HDLBP: variants seen among roughly 807,000 people sequenced by gnomAD.
HDLBP encodes high density lipoprotein binding protein.
Under a neutral mutation model 137.3 loss-of-function variants are expected in HDLBP, and 30 were observed. That is an observed-to-expected ratio of 0.22 (90% confidence interval 0.16 to 0.30). The LOEUF (loss-of-function observed/expected upper bound fraction) is 0.30. Ranked by LOEUF, HDLBP falls within the 10% of genes least tolerant of loss-of-function variation. The pLI is 1.00. For missense variants in HDLBP, 1,119 were observed against 1,667.3 expected, an observed-to-expected ratio of 0.67 and a Z score of 5.73; for synonymous variants, 606 against 596.0, an observed-to-expected ratio of 1.02 and a Z score of -0.24.
At chr2:241,267,649 C>T (rs1455182538) in intron 2 of HDLBP, 2 of 1,535,722 alleles carry the variant, frequency 1.3e-6, no homozygotes, top group South Asian at 1.2e-5. Context: ...CAAGGTGCAT[C>T]CAGGCCCCAA....
intron 23 of HDLBP, among the ~76,000 whole-genome samples, 196 bp downstream of exon 23, chr2:241,234,925 G>A (rs890029770): frequency 1.3e-5 from 2 of 152,244 alleles, no homozygotes; most frequent in Non-Finnish European, 2.9e-5. Flanking sequence ...TTATGAAAAA[G>A]AGAAAGGTGC....
Position 241,238,637 on chromosome 2 carries a change from T to TG in HDLBP, c.2749+11dup, listed in dbSNP as rs2070848224. 5.2e-6 allele frequency: 8 copies of TG among 1,551,728 alleles called. No homozygotes were observed. Among genetic ancestry groups the TG allele is most frequent in the African/African-American group, 2.7e-5 (2 of 73,114 alleles). On this transcript the variant is annotated intron_variant, in intron 20 of 27. Transcript: ENST00000310931. This position sits in a 1 kb window ranked among gnomAD's most constrained non-coding sequence, Gnocchi z 4.9. ...CTATTAACAAGCAGAGCAGGGCTAATGGGGGACCCACCTGCGTTCTCCTCT... is the reference window on the plus strand; with the variant it reads ...CTATTAACAAGCAGAGCAGGGCTAATGGGGGGACCCACCTGCGTTCTCCTCT...
At chr2:241,275,207 A>G (rs915479927) in intron 1 of HDLBP, among the ~76,000 whole-genome samples, 1 of 152,104 alleles carries the variant, frequency 6.6e-6, no homozygotes, top group Non-Finnish European at 1.5e-5. Flanking sequence ...GAAAGAATAA[A>G]CCTCATACCA....
At chr2:241,312,571 C>T (rs551172598) in intron 1 of HDLBP, among the ~76,000 whole-genome samples, 3 of 152,308 alleles carry the variant, frequency 2.0e-5, no homozygotes, top group Non-Finnish European at 2.9e-5. Flanking sequence ...AACCTTTACA[C>T]GCATTTTGGA....
At position 241,230,030 on chromosome 2, in the gene HDLBP, C is replaced by A. The variant is rs1420731486; in HGVS notation, c.3592-69G>T. The A allele has an allele frequency of 3.8e-6, 6 of 1,579,250 alleles. No homozygotes were observed. The highest frequency in any genetic ancestry group is 2.2e-5 in the East Asian group (1 of 44,512). ...CCCCAGCATCCCGCCCGCCTGCTCACCCCTGCACCTCGCCTGCCTCTGGAA... is the reference window on the plus strand; with the variant it reads ...CCCCAGCATCCCGCCCGCCTGCTCAACCCTGCACCTCGCCTGCCTCTGGAA... On this transcript the variant is annotated intron_variant, in intron 26 of 27. Transcript: ENST00000310931. This position sits in a 1 kb window ranked among gnomAD's most constrained non-coding sequence, Gnocchi z 5.0.
chr2:241,283,136 G>A (rs1444269348), intron 1 of HDLBP, among the ~76,000 whole-genome samples: 2 of 152,160 alleles, frequency 1.3e-5, no homozygotes, highest in Non-Finnish European at 2.9e-5. Flanking sequence ...GAGTGGTCTG[G>A]CTAGAAGATT....
At position 241,236,605 on chromosome 2, in the gene HDLBP, G is replaced by A. The variant is rs763581131; in HGVS notation, c.2904+10C>T. ...TGGCGGGGGGTGGAGGGGGGCACATGGACACATACCTCCAGAGCTTCCTTG... is the reference window on the plus strand; with the variant it reads ...TGGCGGGGGGTGGAGGGGGGCACATAGACACATACCTCCAGAGCTTCCTTG... On this transcript the variant is annotated intron_variant, in intron 21 of 27. Transcript: ENST00000310931. 1.1e-5 allele frequency: 17 copies of A among 1,613,508 alleles called. No homozygotes were observed. The Admixed American group carries it at 2.3e-4, about 22-fold the overall frequency.
chr2:241,282,605 C>G (rs962349805), intron 1 of HDLBP, among the ~76,000 whole-genome samples: 4 of 152,166 alleles, frequency 2.6e-5, no homozygotes, highest in Non-Finnish European at 4.4e-5. Flanking sequence ...CTTTCCATGC[C>G]TCTTTTCCAA....
At chr2:241,253,167 C>A (rs1440850603) in intron 10 of HDLBP, 132 bp from the exon 11 acceptor site, 1 of 681,692 alleles carries the variant, frequency 1.5e-6, no homozygotes, top group Non-Finnish European at 2.6e-6. Flanking sequence ...ACTGCCCCTG[C>A]ATCTCCCCTG....
rs2071028834 is a variant in HDLBP, at chr2:241,239,854, C to T, written c.2392-34G>A. 1 of 1,611,674 alleles carries T rather than the reference C, an allele frequency of 6.2e-7. No homozygotes were observed. Among genetic ancestry groups the T allele is most frequent in the African/African-American group, 1.3e-5 (1 of 74,980 alleles). On this transcript the variant is annotated intron_variant, in intron 18 of 27. Coordinates refer to ENST00000310931, the MANE Select transcript of HDLBP (RefSeq NM_005336.6). The surrounding 1 kb of genome is among the most constrained non-coding windows in gnomAD (Gnocchi z 4.6). The stretch of plus-strand genomic sequence containing the variant: ...TTAAGAAGAGATGGAAGATAAGCCA[C>T]CCCATCACGGCCCCAGCAGAGTCGG...
intron 1 of HDLBP, among the ~76,000 whole-genome samples, chr2:241,306,260 G>A (rs2075570460): frequency 6.6e-6 from 1 of 151,288 alleles, no homozygotes; most frequent in African/African-American, 2.4e-5. Context: ...CCCACTCAGA[G>A]ATTCAGCTTT....
rs1256914042 is a variant in HDLBP at position 241,239,254 on chromosome 2, A to G, written c.2610+348T>C. 6.6e-6 allele frequency among the ~76,000 whole-genome samples: 1 copy of G among 152,236 alleles called. No homozygotes were observed. The highest frequency in any genetic ancestry group is 6.5e-5 in the Admixed American group (1 of 15,292). On this transcript the variant is annotated intron_variant, in intron 19 of 27. Coordinates refer to ENST00000310931, the MANE Select transcript of HDLBP (RefSeq NM_005336.6). This position sits in a 1 kb window ranked among gnomAD's most constrained non-coding sequence, Gnocchi z 4.6. ...TTCTTTCCTTCACAGAGGGGAGAAG[A>G]GAGCTGACCCCTTAGACTGCATTTT... is the stretch of plus-strand genomic sequence containing the variant.
intron 2 of HDLBP, chr2:241,267,903 G>C (rs1407180347): frequency 2.0e-6 from 2 of 985,350 alleles, no homozygotes; most frequent in Non-Finnish European, 2.4e-6. Flanking sequence ...TGCTCAGCGG[G>C]ATATGGGCTC....
intron 1 of HDLBP, chr2:241,315,019 C>T (rs947931413): frequency 6.6e-6 from 1 of 152,198 alleles, no homozygotes; most frequent in Non-Finnish European, 1.5e-5. Context: ...CCATCCCGCT[C>T]AGGCCGCAGC....
In HDLBP at chr2:241,238,765, C is replaced by T. The variant is rs1278964455; in HGVS notation, c.2633G>A (p.Cys878Tyr). The part of the protein sequence containing the change: ...EDLEAQVTLE[C>Y]AIPQKFHRSV... Reference sequence around the variant, plus strand: ...TCGATGGAATTTCTGGGGTATAGCACATTCTAATGTCACCTGAGCTTCCTG... The same window carrying T: ...TCGATGGAATTTCTGGGGTATAGCATATTCTAATGTCACCTGAGCTTCCTG... Residue 878 changes from cysteine to tyrosine, a missense_variant, in exon 20 of 28, where the codon TGT becomes TAT. By Grantham distance (194) the Cys-to-Tyr change is radical (BLOSUM62 -2). Transcript: ENST00000310931. This position sits in a 1 kb window ranked among gnomAD's most constrained non-coding sequence, Gnocchi z 4.9. The T allele has an allele frequency of 6.4e-6, 10 of 1,554,850 alleles. No individual in the cohort carries two copies. The highest frequency in any genetic ancestry group is 2.3e-5 in the East Asian group (1 of 43,312).
At chr2:241,294,866 C>T (rs1023888998) in intron 1 of HDLBP, among the ~76,000 whole-genome samples, 4 of 152,062 alleles carry the variant, frequency 2.6e-5, no homozygotes, top group Non-Finnish European at 4.4e-5. Context: ...TTTGGGAGGC[C>T]GAGACAGGTG....
chr2:241,238,626 A>G lies in HDLBP; in HGVS notation c.2749+23T>C. 6.6e-7 allele frequency: 1 copy of G among 1,525,622 alleles called. No homozygotes were observed. Among genetic ancestry groups the G allele is most frequent in the Non-Finnish European group, 8.9e-7 (1 of 1,126,724 alleles). The allele number at this position is 1,525,622 out of a possible 1,614,324, so 94.5% of individuals were successfully genotyped here. ...GGGAGGCGCCACTATTAACAAGCAG[A>G]GCAGGGCTAATGGGGGACCCACCTG... On this transcript the variant is annotated intron_variant, in intron 20 of 27. Coordinates refer to ENST00000310931, the MANE Select transcript of HDLBP (RefSeq NM_005336.6). The surrounding 1 kb of genome is among the most constrained non-coding windows in gnomAD (Gnocchi z 4.9).
Position 241,266,779 on chromosome 2 carries a change from T to G in HDLBP, c.76+15A>C, listed in dbSNP as rs1035977684. On this transcript the variant is annotated intron_variant, in intron 3 of 27. Transcript: ENST00000310931. ...CTTAGACATTACCAGGAAGAGCACA[T>G]AAAAGGGCTGTCACCTTTGATTTGT... is the stretch of plus-strand genomic sequence containing the variant. 2.0e-6 allele frequency: 3 copies of G among 1,534,520 alleles called. No homozygotes were observed. In the African/African-American group the frequency reaches 4.1e-5, roughly 21 times the overall value.
At chr2:241,254,063 C>T (rs2072418477) in intron 9 of HDLBP, among the ~76,000 whole-genome samples, 1 of 152,060 alleles carries the variant, frequency 6.6e-6, no homozygotes, top group Non-Finnish European at 1.5e-5. Flanking sequence ...GGTAGGAGGA[C>T]TACTTGATCC....
Sources: allele counts gnomAD v4.1 joint callset (sites outside exome capture counted in the v4.1 genomes callset), GRCh38; gene constraint gnomAD v4.1.1; non-coding constraint Gnocchi (gnomAD v3.1); transcripts MANE v1.5; gene names NCBI Gene and HGNC (gene_info 2026-07-23, HGNC 2026-07-21).